NSUN2: variants seen among roughly 807,000 people sequenced by gnomAD.
NSUN2 encodes RNA cytosine C(5)-methyltransferase NSUN2.
Under a neutral mutation model 92.7 loss-of-function variants are expected in NSUN2, and 63 were observed. The observed-to-expected ratio is 0.68, with a 90% confidence interval of 0.56 to 0.84. The LOEUF is 0.84. Among genes scored for constraint, NSUN2 ranks in the 40% least tolerant of loss-of-function variants. The pLI is 0.00. For synonymous variants in NSUN2, 356 were observed against 348.3 expected (o/e 1.02, Z -0.25); for missense variants, 989 against 964.9 (o/e 1.02, Z -0.33).
In NSUN2 at chr5:6,632,742, G is replaced by C; in HGVS notation, c.111C>G (p.Gly37=). The C allele has an allele frequency of 6.2e-7, 1 of 1,613,910 alleles. No homozygotes were observed. Among genetic ancestry groups the C allele is most frequent in the Non-Finnish European group, 8.5e-7 (1 of 1,179,888 alleles). Residue 37 remains glycine, a synonymous_variant, in exon 2 of 19, where the codon GGC becomes GGG. Transcript: ENST00000264670. ...GKRGEAGWEG[G]YPEIVKENKL... ...TGTTCTCCTTGACGATCTCGGGGTA[G>C]CCTCCTTCCCAGCCCTGAGGAAGGA...
At chr5:6,602,713 G>C (rs989315584) in intron 17 of NSUN2, among the ~76,000 whole-genome samples, 4 of 152,226 alleles carry the variant, frequency 2.6e-5, no homozygotes, top group Non-Finnish European at 5.9e-5. Flanking sequence ...ATCTGGAAGA[G>C]GACCCAGGCA....
At chr5:6,632,200 A>G (rs1228247321) in intron 2 of NSUN2, among the ~76,000 whole-genome samples, 1 of 120,512 alleles carries the variant, frequency 8.3e-6, no homozygotes, top group Admixed American at 7.8e-5. Flanking sequence ...TCCTAAGCAT[A>G]TCCTACCGTT....
intron 2 of NSUN2, 99 bp from the exon 3 acceptor site, chr5:6,632,076 C>A: frequency 1.1e-6 from 1 of 895,662 alleles, no homozygotes; most frequent in Non-Finnish European, 1.7e-6. Context: ...AAACTAAAAC[C>A]AACTTTTGCA....
At chr5:6,612,720 C>T (rs1441524622) in intron 9 of NSUN2, among the ~76,000 whole-genome samples, 1 of 152,232 alleles carries the variant, frequency 6.6e-6, no homozygotes, top group East Asian at 1.9e-4. Context: ...TTTCTGAATC[C>T]TCTTCCTTTT....
chr5:6,632,304 T>C (rs1001897525), intron 2 of NSUN2, among the ~76,000 whole-genome samples: 1 of 152,182 alleles, frequency 6.6e-6, no homozygotes, highest in Non-Finnish European at 1.5e-5. Flanking sequence ...ATGCATTCTC[T>C]ATAAATTCTC....
Position 6,600,192 on chromosome 5 carries a change from A to G in NSUN2, c.2038T>C (p.Trp680Arg), listed in dbSNP as rs1458951188. Residue 680 changes from tryptophan to arginine, a missense_variant, in exon 19 of 19, where the codon TGG becomes CGG. By Grantham distance (101) the Trp-to-Arg change is moderately radical. Around this residue, in one of 3 missense-constraint regions of NSUN2, gnomAD observed 626 missense variants for 602.3 expected, o/e 1.04. Coordinates refer to ENST00000264670, the MANE Select transcript of NSUN2 (RefSeq NM_017755.6). ...ALQCPIVLCG[W>R]RGKASIRTFV... ...GTTCGAATGGAGGCCTTTCCCCGCC[A>G]TCCGCATAAGACGATGGGACACTGC... The G allele has an allele frequency of 1.2e-6, 2 of 1,614,232 alleles. No homozygotes were observed. The highest frequency in any genetic ancestry group is 2.2e-5 in the East Asian group (1 of 44,892).
Position 6,623,292 on chromosome 5 carries a change from G to GAAAA in NSUN2, c.466-11_466-8dup. 1.8e-6 allele frequency: 2 copies of GAAAA among 1,093,242 alleles called. No homozygotes were observed. Among genetic ancestry groups the GAAAA allele is most frequent in the South Asian group, 1.7e-5 (1 of 59,824 alleles). 67.7% of individuals were successfully genotyped at this position (1,093,242 alleles called of 1,614,324 possible). ...CTTGACGACTAATATTTCCCTTGAG[G>GAAAA]AAAAAAAAAAAATCAGCAACAATTA... On this transcript the variant is annotated splice_polypyrimidine_tract_variant and splice_region_variant and intron_variant, in intron 4 of 18. Transcript: ENST00000264670.
At chr5:6,607,671 C>A (rs868271262) in intron 12 of NSUN2, among the ~76,000 whole-genome samples, 1 of 152,166 alleles carries the variant, frequency 6.6e-6, no homozygotes. Context: ...AGCTTGTTCT[C>A]GTGTAAAAAT....
chr5:6,615,438 A>G lies in NSUN2; in HGVS notation c.1021+1289T>C, dbSNP rs373321220. ...TTGAAGGTGTAATTTCATTACAACT[A>G]AACTATTATGTGCCCCATACTCCCC... On this transcript the variant is annotated intron_variant, in intron 9 of 18. Transcript: ENST00000264670. Among the ~76,000 whole-genome samples, 103 of 152,312 alleles carry G rather than the reference A, an allele frequency of 6.8e-4. 1 individual carries two copies. Among genetic ancestry groups the G allele is most frequent in the African/African-American group, 2.4e-3 (99 of 41,558 alleles).
chr5:6,622,433 C>T (rs527787356), intron 5 of NSUN2, among the ~76,000 whole-genome samples: 8 of 152,298 alleles, frequency 5.3e-5, no homozygotes, highest in African/African-American at 1.9e-4. Flanking sequence ...TTAACAGCTC[C>T]GTAACCTCAG....
At position 6,607,332 on chromosome 5, in the gene NSUN2, T is replaced by G; in HGVS notation, c.1376A>C (p.Asp459Ala). 1 of 1,614,206 alleles carries G rather than the reference T, an allele frequency of 6.2e-7. No individual in the cohort carries two copies. Among genetic ancestry groups the G allele is most frequent in the Non-Finnish European group, 8.5e-7 (1 of 1,180,042 alleles). Residue 459 changes from aspartate (D) to alanine (A), a missense_variant, in exon 13 of 19, where the codon GAT becomes GCT. By Grantham distance (126) the Asp-to-Ala change is moderately radical (BLOSUM62 -2). This residue lies in a region of NSUN2 where 626 missense variants were observed against 602.3 expected (regional missense o/e 1.04). Transcript: ENST00000264670. Reference protein sequence around the residue: ...TRESTQLSPADLTEGKPTDPS... With the variant: ...TRESTQLSPAALTEGKPTDPS... ...ATCTGTGGGTTTCCCTTCTGTGAGATCTGCAGGGCTCAGCTGTGTGCTTTC... is the reference window on the plus strand; with the variant it reads ...ATCTGTGGGTTTCCCTTCTGTGAGAGCTGCAGGGCTCAGCTGTGTGCTTTC...
rs747272241 is a variant in NSUN2 at position 6,600,189 on chromosome 5, G to A, written c.2041C>T (p.Arg681Trp). The change falls in exon 19 of 19, where the codon CGG becomes TGG. Residue 681 changes from arginine (R) to tryptophan (W), a missense_variant. Physicochemically the swap from Arg to Trp is moderately radical, Grantham distance 101. This residue lies in a region of NSUN2 where 626 missense variants were observed against 602.3 expected (regional missense o/e 1.04). Coordinates refer to ENST00000264670, the MANE Select transcript of NSUN2 (RefSeq NM_017755.6). ...LQCPIVLCGW[R>W]GKASIRTFVP... ...AAAGTTCGAATGGAGGCCTTTCCCC[G>A]CCATCCGCATAAGACGATGGGACAC... is the stretch of plus-strand genomic sequence containing the variant. 13 of 1,614,126 alleles carry A rather than the reference G, an allele frequency of 8.1e-6. No homozygotes were observed. The highest frequency in any genetic ancestry group is 3.3e-5 in the South Asian group (3 of 91,082).
chr5:6,602,426 G>T, intron 18 of NSUN2, 35 bp downstream of exon 18: 1 of 1,601,108 alleles, frequency 6.2e-7, no homozygotes, highest in Non-Finnish European at 8.6e-7. Flanking sequence ...ATGACAAGGC[G>T]TGTGTGTCTA....
intron 17 of NSUN2, among the ~76,000 whole-genome samples, chr5:6,602,711 G>A (rs534903559): frequency 4.0e-4 from 61 of 152,358 alleles, no homozygotes; most frequent in African/African-American, 1.4e-3. Flanking sequence ...CGATCTGGAA[G>A]AGGACCCAGG....
intron 4 of NSUN2, among the ~76,000 whole-genome samples, chr5:6,624,100 C>A (rs1412824316): frequency 6.6e-6 from 1 of 152,216 alleles, no homozygotes; most frequent in Non-Finnish European, 1.5e-5. Context: ...TAAATACAGG[C>A]TTTTACACTG....
chr5:6,617,560 T>C (rs1275092667), intron 8 of NSUN2, among the ~76,000 whole-genome samples: 1 of 152,134 alleles, frequency 6.6e-6, no homozygotes, highest in Non-Finnish European at 1.5e-5. Context: ...TTCCCCATCA[T>C]AAAAAGCCAA....
intron 10 of NSUN2, among the ~76,000 whole-genome samples, 153 bp downstream of exon 10, chr5:6,611,572 T>A (rs1193084741): frequency 1.3e-5 from 2 of 152,128 alleles, no homozygotes; most frequent in Non-Finnish European, 2.9e-5. Flanking sequence ...TCATGAAATG[T>A]GTCATGAAAT....
rs142332099 is a variant in NSUN2 at position 6,630,161 on chromosome 5, A to G, written c.359+1712T>C. Among the ~76,000 whole-genome samples the G allele has an allele frequency of 3.9e-5, 6 of 152,342 alleles. No homozygotes were observed. In the East Asian group the frequency reaches 1.2e-3, roughly 29 times the overall value. ...AAGGTTACCTCATCTCAGCAATGCC[A>G]TAACTAGAGGCTGAAAAACATCTAC... On this transcript the variant is annotated intron_variant, in intron 3 of 18. Transcript: ENST00000264670.
chr5:6,617,800 T>G (rs1737272637), intron 8 of NSUN2, 150 bp downstream of exon 8: 2 of 515,584 alleles, frequency 3.9e-6, no homozygotes, highest in African/African-American at 3.9e-5. Flanking sequence ...GGTTTTCAAA[T>G]AACTTCTGAT....
Sources: gnomAD v4.1 joint callset for allele counts (sites outside exome capture counted in the v4.1 genomes callset) on GRCh38, gnomAD v4.1.1 for gene constraint, gnomAD v4.1.1 regional missense constraint, MANE v1.5 for transcripts, NCBI Gene and HGNC (gene_info 2026-07-23, HGNC 2026-07-21) for gene names.